The following CEP164 variants were observed in gnomAD, a reference collection of about 807,000 sequenced individuals.
CEP164 encodes centrosomal protein 164.
A neutral mutation model predicts 182.7 loss-of-function variants in CEP164; 162 were observed. The observed-to-expected ratio is 0.89, with a 90% CI of 0.78 to 1.01. The LOEUF is 1.01. Among genes scored for constraint, CEP164 ranks in the 50% least tolerant of loss-of-function variants. The probability of loss-of-function intolerance (pLI) is 0.00; values close to 1 mark genes in which losing one functional copy is unlikely to be tolerated. For missense variants in CEP164, 1,735 were observed against 1,790.4 expected, an observed-to-expected ratio of 0.97 and a Z score of 0.56; for synonymous variants, 661 against 690.0, an observed-to-expected ratio of 0.96 and a Z score of 0.66.
At chr11:117,387,140 C>T (rs1293828534) in intron 14 of CEP164, 63 bp from the exon 15 acceptor site, 1 of 1,409,910 alleles carries the variant, frequency 7.1e-7, no homozygotes, top group African/African-American at 1.4e-5. Context: ...TCCATTCTAA[C>T]CTGGATGCAG....
chr11:117,351,686 TCCTCCTCTTTCA>T, intron 4 of CEP164, 92 bp from the exon 5 acceptor site: 1 of 1,040,480 alleles, frequency 9.6e-7, no homozygotes, highest in Non-Finnish European at 1.4e-6. Context: ...CCCACTCTCT[TCCTCCTCTTTCA>T]CCTCCTCTCC....
chr11:117,373,321 G>A (rs1263357514), intron 9 of CEP164, among the ~76,000 whole-genome samples: 2 of 151,886 alleles, frequency 1.3e-5, no homozygotes, highest in Non-Finnish European at 2.9e-5. Flanking sequence ...GAGTGGAGAT[G>A]GCGCCACTCC....
chr11:117,396,203 G>A (rs978539759), intron 25 of CEP164, 23 bp downstream of exon 25: 1 of 1,565,538 alleles, frequency 6.4e-7, no homozygotes, highest in Non-Finnish European at 8.8e-7. Flanking sequence ...CTGGGGCCTG[G>A]GGGCTGGGGC....
chr11:117,362,910 C>T (rs2041160153), intron 7 of CEP164, among the ~76,000 whole-genome samples: 1 of 152,190 alleles, frequency 6.6e-6, no homozygotes, highest in Non-Finnish European at 1.5e-5. Flanking sequence ...TGGAATTATA[C>T]AATGTTTGTC....
intron 5 of CEP164, among the ~76,000 whole-genome samples, chr11:117,353,074 G>C (rs920292642): frequency 2.0e-5 from 3 of 152,156 alleles, no homozygotes; most frequent in African/African-American, 7.2e-5. Context: ...ACGCTGTGGT[G>C]GTCCCTTTCC....
At chr11:117,333,139 A>T (rs2036474591) in intron 1 of CEP164, among the ~76,000 whole-genome samples, 1 of 151,892 alleles carries the variant, frequency 6.6e-6, no homozygotes, top group South Asian at 2.1e-4. Context: ...GAGCCCCCCA[A>T]GTAGCTGGGA....
At position 117,397,260 on chromosome 11, in the gene CEP164, A is replaced by G; in HGVS notation, c.3448A>G (p.Lys1150Glu). 1 of 1,614,112 alleles carries G rather than the reference A, an allele frequency of 6.2e-7. No individual in the cohort carries two copies. The highest frequency in any genetic ancestry group is 2.2e-5 in the East Asian group (1 of 44,884). The change falls in exon 27 of 33, where the codon AAA becomes GAA. Residue 1150 changes from lysine to glutamate, a missense_variant. By Grantham distance (56) the Lys-to-Glu change is moderately conservative. Transcript: ENST00000278935. Reference protein sequence around the residue: ...HELASAQEVAKDPPGIKALED... With the variant: ...HELASAQEVAEDPPGIKALED... ...GCTGGCCAGTGCGCAGGAGGTGGCC[A>G]AAGACCCACCAGGCATCAAGGCCCT...
intron 5 of CEP164, chr11:117,355,523 G>A: frequency 7.8e-7 from 1 of 1,282,102 alleles, no homozygotes. Flanking sequence ...AGGGGACAAG[G>A]GCCAAAGCCC....
intron 14 of CEP164, 57 bp downstream of exon 14, chr11:117,382,999 G>C (rs959383100): frequency 2.4e-5 from 38 of 1,568,472 alleles, no homozygotes; most frequent in Middle Eastern, 2.3e-4. Flanking sequence ...GGCTGCTTCA[G>C]TGCCTATTCA....
Position 117,397,077 on chromosome 11 carries a change from C to T in CEP164, c.3279-14C>T. 6.2e-7 allele frequency: 1 copy of T among 1,608,904 alleles called. No homozygotes were observed. The highest frequency in any genetic ancestry group is 2.2e-5 in the East Asian group (1 of 44,786). On this transcript the variant is annotated splice_polypyrimidine_tract_variant and intron_variant, in intron 26 of 32. Transcript: ENST00000278935. ...AGAGGCTTCTGTTTTCCTTCTTCAACTCTCCTGCTCCAGCCTGTCCTCCCA... is the reference window on the plus strand; with the variant it reads ...AGAGGCTTCTGTTTTCCTTCTTCAATTCTCCTGCTCCAGCCTGTCCTCCCA...
Position 117,371,189 on chromosome 11 carries a change from G to A in CEP164, c.875G>A (p.Ser292Asn), listed in dbSNP as rs1565510532. The change falls in exon 9 of 33, where the codon AGT becomes AAT. Residue 292 changes from serine to asparagine, a missense_variant. Ser to Asn is a conservative substitution (Grantham distance 46). Coordinates refer to ENST00000278935, the MANE Select transcript of CEP164 (RefSeq NM_014956.5). ...CKPSSPGADS[S>N]LSSAVGKGRQ... The stretch of plus-strand genomic sequence containing the variant: ...CCCTCCAGCCCAGGTGCAGACAGCA[G>A]TCTGAGCAGTGCTGTTGGCAAAGGG... The A allele has an allele frequency of 6.2e-7, 1 of 1,614,114 alleles. No individual in the cohort carries two copies. Among genetic ancestry groups the A allele is most frequent in the Non-Finnish European group, 8.5e-7 (1 of 1,180,042 alleles).
chr11:117,372,577 A>T (rs1019252868), intron 9 of CEP164, among the ~76,000 whole-genome samples: 2 of 151,712 alleles, frequency 1.3e-5, no homozygotes, highest in African/African-American at 4.9e-5. Flanking sequence ...CACCACACCC[A>T]GCTAATTTTT....
intron 1 of CEP164, among the ~76,000 whole-genome samples, chr11:117,328,522 T>C (rs780663266): frequency 1.6e-4 from 24 of 152,226 alleles, no homozygotes; most frequent in Admixed American, 6.5e-4. Flanking sequence ...ACTCAGTCCT[T>C]GGCAGTAGAA....
At chr11:117,324,763 AG>A (rs2035369308), upstream of CEP164, among the ~76,000 whole-genome samples, 4 of 152,124 alleles carry the variant, frequency 2.6e-5, no homozygotes, top group South Asian at 8.3e-4. Context: ...GCACTTTGGA[AG>A]GCCGAGGTGG....
chr11:117,355,916 G>T, intron 5 of CEP164: 3 of 1,051,468 alleles, frequency 2.9e-6, no homozygotes, highest in Non-Finnish European at 3.5e-6. Flanking sequence ...GGAGCCTCCT[G>T]CCAGTGAGAA....
At chr11:117,380,509 A>G in intron 11 of CEP164, 105 bp from the exon 12 acceptor site, 2 of 850,536 alleles carry the variant, frequency 2.4e-6, no homozygotes, top group Non-Finnish European at 3.8e-6. Flanking sequence ...TCTTCTGGAG[A>G]GCAACTTCTC....
At chr11:117,328,173 G>A (rs527799194) in intron 1 of CEP164, 1 of 152,340 alleles carries the variant, frequency 6.6e-6, no homozygotes, top group South Asian at 2.1e-4. Flanking sequence ...GCCGGCTCCT[G>A]AGCGGGCCAC....
intron 5 of CEP164, among the ~76,000 whole-genome samples, chr11:117,361,235 T>C (rs1245705145): frequency 2.6e-5 from 3 of 117,582 alleles, no homozygotes; most frequent in African/African-American, 1.0e-4. Context: ...GCGCCTGGCT[T>C]TTTTTTTTTT....
chr11:117,391,021 C>A lies in CEP164; in HGVS notation c.2089C>A (p.Gln697Lys), dbSNP rs1332049981. 6.2e-6 allele frequency: 10 copies of A among 1,614,064 alleles called. No homozygotes were observed. The highest frequency in any genetic ancestry group is 8.5e-6 in the Non-Finnish European group (10 of 1,180,022). ...CAGGGCTGAGCAAGAGGCTTCCCTG[C>A]AGAAACTGAGAGAAGAGTTGGAGTC... ...QIRAEQEASL[Q>K]KLREELESQQ... The change falls in exon 17 of 33, where the codon CAG (glutamine) becomes AAG (lysine). Residue 697 changes from glutamine (Q) to lysine (K), a missense_variant. Coordinates refer to ENST00000278935, the MANE Select transcript of CEP164 (RefSeq NM_014956.5).
Sources: allele counts gnomAD v4.1 joint callset (sites outside exome capture counted in the v4.1 genomes callset), GRCh38; gene constraint gnomAD v4.1.1; transcripts MANE v1.5; gene names NCBI Gene and HGNC (gene_info 2026-07-23, HGNC 2026-07-21).